The following TCF7L2 variants were observed in gnomAD, a reference collection of about 807,000 sequenced individuals.
TCF7L2 encodes the protein transcription factor 7 like 2, also known as transcription factor 7-like 2.
Under a neutral mutation model 77.9 loss-of-function variants are expected in TCF7L2, and 23 were observed. The ratio of observed to expected loss-of-function variants is 0.30; its 90% CI spans 0.21 to 0.42. TCF7L2 has a LOEUF of 0.42. TCF7L2 is among the 10% of genes least tolerant of loss of function. The pLI is 1.00. For missense variants in TCF7L2, 654 were observed against 793.1 expected (o/e 0.82, Z 2.11); for synonymous variants, 413 against 340.2 (o/e 1.21, Z -2.36).
intron 7 of TCF7L2, among the ~76,000 whole-genome samples, chr10:113,145,377 GAAAA>G (rs958915907): frequency 2.1e-4 from 32 of 152,146 alleles, no homozygotes; most frequent in Non-Finnish European, 5.9e-5. Flanking sequence ...CCCTCTGTCA[GAAAA>G]AGTTGTGTGT....
At chr10:113,045,546 C>T (rs1385002952) in intron 5 of TCF7L2, among the ~76,000 whole-genome samples, 2 of 152,136 alleles carry the variant, frequency 1.3e-5, no homozygotes, top group Admixed American at 6.5e-5. Flanking sequence ...CTGGAGGAGG[C>T]CTGCTGGCTT....
Position 113,087,069 on chromosome 10 carries a change from G to A in TCF7L2, c.552+46943G>A, listed in dbSNP as rs2059916433. On this transcript the variant is annotated intron_variant, in intron 5 of 13. Transcript: ENST00000627217. ...AGGTGGGGAATAAGGTTAGGGGTAAGGTTAATTCTACAAGTTCAAAGCCAG... is the reference window on the plus strand; with the variant it reads ...AGGTGGGGAATAAGGTTAGGGGTAAAGTTAATTCTACAAGTTCAAAGCCAG... Among the ~76,000 whole-genome samples the A allele has an allele frequency of 2.0e-5, 3 of 152,150 alleles. No individual in the cohort carries two copies. In the East Asian group the frequency reaches 5.8e-4, roughly 29 times the overall value.
intron 5 of TCF7L2, among the ~76,000 whole-genome samples, chr10:113,052,859 G>T (rs2054700837): frequency 6.6e-6 from 1 of 152,196 alleles, no homozygotes; most frequent in South Asian, 2.1e-4. Context: ...ATTAGACATT[G>T]CATGATACAA....
chr10:113,097,659 A>AACAAAAAAAAAAAAC (rs1244007508), intron 5 of TCF7L2, among the ~76,000 whole-genome samples: 1 of 142,280 alleles, frequency 7.0e-6, no homozygotes, highest in African/African-American at 2.6e-5. Context: ...AAAAAAAAAA[A>AACAAAAAAAAAAAAC]AAAAAAAAAA....
At chr10:113,050,561 C>T (rs750006845) in intron 5 of TCF7L2, among the ~76,000 whole-genome samples, 3 of 152,024 alleles carry the variant, frequency 2.0e-5, no homozygotes, top group Non-Finnish European at 4.4e-5. Flanking sequence ...GTCTTGTAAG[C>T]GAAGGGGAAC....
At chr10:112,991,748 C>T (rs538620196) in intron 4 of TCF7L2, among the ~76,000 whole-genome samples, 2 of 152,256 alleles carry the variant, frequency 1.3e-5, no homozygotes, top group South Asian at 4.1e-4. Context: ...TCAGCTGTAG[C>T]TGACCTTTCC....
intron 5 of TCF7L2, chr10:113,089,451 C>T (rs762287937): frequency 8.7e-6 from 14 of 1,613,860 alleles, no homozygotes; most frequent in Non-Finnish European, 1.0e-5. Flanking sequence ...CTTCTACCCC[C>T]CCTCAGACTT....
Position 113,038,207 on chromosome 10 carries a change from C to T in TCF7L2, c.451-1818C>T, listed in dbSNP as rs114641633. 3.0e-3 allele frequency among the ~76,000 whole-genome samples: 459 copies of T among 152,214 alleles called. 5 individuals carry two copies. Among genetic ancestry groups the T allele is most frequent in the Middle Eastern group, 0.017 (5 of 294 alleles). The stretch of plus-strand genomic sequence containing the variant: ...CCTTCAGTGTTTGGGGCAGACTCCC[C>T]ACCTAATACCCTGTCGCAGATAGGA... On this transcript the variant is annotated intron_variant, in intron 4 of 13. Coordinates refer to ENST00000627217, the MANE Select transcript of TCF7L2 (RefSeq NM_001146274.2).
At chr10:113,045,088 G>A (rs1056175900) in intron 5 of TCF7L2, among the ~76,000 whole-genome samples, 1 of 152,138 alleles carries the variant, frequency 6.6e-6, no homozygotes, top group African/African-American at 2.4e-5. Flanking sequence ...TGGAGGAGGA[G>A]CAGGTTTGGG....
At chr10:113,088,266 C>A (rs2060035792) in intron 5 of TCF7L2, among the ~76,000 whole-genome samples, 1 of 152,058 alleles carries the variant, frequency 6.6e-6, no homozygotes, top group Non-Finnish European at 1.5e-5. Context: ...CATAGACAGG[C>A]CAATGGGTCT....
At chr10:113,010,816 C>A (rs2046334194) in intron 4 of TCF7L2, among the ~76,000 whole-genome samples, 1 of 152,168 alleles carries the variant, frequency 6.6e-6, no homozygotes, top group Non-Finnish European at 1.5e-5. Flanking sequence ...GAGTTCCAGA[C>A]CAGCTTGGGC....
chr10:112,991,507 CAAAAAAAAAAAGAAA>C (rs1337433552), intron 4 of TCF7L2, among the ~76,000 whole-genome samples: 1 of 122,572 alleles, frequency 8.2e-6, no homozygotes, highest in Admixed American at 8.1e-5. Context: ...GACTCCATCT[CAAAAAAAAAAAGAAA>C]GAAAAAAAAA....
At chr10:113,162,040 G>T (rs1400718771) in intron 13 of TCF7L2, among the ~76,000 whole-genome samples, 1 of 152,248 alleles carries the variant, frequency 6.6e-6, no homozygotes, top group African/African-American at 2.4e-5. Flanking sequence ...TTGTGACAAA[G>T]TTGATGGAGG....
intron 4 of TCF7L2, among the ~76,000 whole-genome samples, chr10:112,975,544 C>T (rs767887743): frequency 4.6e-5 from 7 of 152,100 alleles, no homozygotes; most frequent in Non-Finnish European, 5.9e-5. Flanking sequence ...TGCAGTGTTG[C>T]GATCTTGGAT....
intron 13 of TCF7L2, among the ~76,000 whole-genome samples, chr10:113,162,289 A>G (rs549864967): frequency 1.1e-4 from 16 of 152,248 alleles, no homozygotes; most frequent in African/African-American, 3.9e-4. Context: ...AGGCCGGTTC[A>G]GGTACCTAGT....
chr10:113,078,182 C>A (rs1056156779), intron 5 of TCF7L2, among the ~76,000 whole-genome samples: 5 of 151,596 alleles, frequency 3.3e-5, no homozygotes, highest in African/African-American at 9.7e-5. Flanking sequence ...CCAAATGATC[C>A]CTTTCCTTTT....
rs534265208 is a variant in TCF7L2 at position 112,951,632 on chromosome 10, C to G, written c.381+25C>G. The G allele has an allele frequency of 8.0e-6, 9 of 1,130,312 alleles. 1 individual carries two copies. In the South Asian group the frequency reaches 2.1e-4, roughly 26 times the overall value. 70.0% of individuals were successfully genotyped at this position (1,130,312 alleles called of 1,614,324 possible). A position where few individuals can be genotyped will look rare whatever the true frequency, so the allele number is the denominator to read the frequency against. On this transcript the variant is annotated intron_variant, in intron 3 of 13. Transcript: ENST00000627217. ...CGTAAGTGCCTCCGCGCCCGGCCCC[C>G]GCCCGCTGCCCGCCCGCCCGCGCCG...
chr10:113,072,060 GTTTA>G (rs1171413689), intron 5 of TCF7L2, among the ~76,000 whole-genome samples: 16 of 149,454 alleles, frequency 1.1e-4, no homozygotes, highest in Non-Finnish European at 2.2e-4. Context: ...TAATTAATTA[GTTTA>G]TTTATTTTTT....
At chr10:113,003,934 C>CG (rs1464886044) in intron 4 of TCF7L2, among the ~76,000 whole-genome samples, 6 of 152,300 alleles carry the variant, frequency 3.9e-5, no homozygotes, top group Non-Finnish European at 8.8e-5. Context: ...CTTTTGAGTG[C>CG]AGAACCTGGC....
Sources: allele counts gnomAD v4.1 joint callset (sites outside exome capture counted in the v4.1 genomes callset), GRCh38; gene constraint gnomAD v4.1.1; transcripts MANE v1.5; gene names NCBI Gene and HGNC (gene_info 2026-07-23, HGNC 2026-07-21).